Variants in PREP observed in about 807,000 individuals in gnomAD.
The protein encoded by PREP is prolyl endopeptidase.
In PREP, 29 loss-of-function variants were observed where a neutral mutation model predicts 87.6. The observed-to-expected ratio is 0.33, with a 90% CI of 0.25 to 0.45. The LOEUF (loss-of-function observed/expected upper bound fraction) is 0.45, where lower values mean the gene tolerates loss of function less well. Among genes scored for constraint, PREP ranks in the 20% least tolerant of loss-of-function variants. The probability of loss-of-function intolerance (pLI) is 1.00; values close to 1 mark genes in which losing one functional copy is unlikely to be tolerated. For synonymous variants in PREP, 337 were observed against 328.6 expected, an observed-to-expected ratio of 1.03 and a Z score of -0.28; for missense variants, 695 against 886.5, an observed-to-expected ratio of 0.78 and a Z score of 2.74.
rs1212511247 is a variant in PREP at position 105,332,954 on chromosome 6, C to T, written c.1015+360G>A. Among the ~76,000 whole-genome samples the T allele has an allele frequency of 2.0e-5, 3 of 152,140 alleles. No individual in the cohort carries two copies. In the East Asian group the frequency reaches 5.8e-4, roughly 29 times the overall value. On this transcript the variant is annotated intron_variant, in intron 8 of 14. Transcript: ENST00000652536. The stretch of plus-strand genomic sequence containing the variant: ...CAAATAGCCAAAGGTTACTCAAAAG[C>T]TTAAAGCTAAGGATTCTAAATCTAA...
chr6:105,350,373 T>C (rs945688622), intron 7 of PREP, among the ~76,000 whole-genome samples: 1 of 152,178 alleles, frequency 6.6e-6, no homozygotes, highest in Non-Finnish European at 1.5e-5. Context: ...AAAAAAAACT[T>C]TAACAGGGTA....
At chr6:105,286,536 G>A (rs1770191141) in intron 11 of PREP, among the ~76,000 whole-genome samples, 1 of 152,160 alleles carries the variant, frequency 6.6e-6, no homozygotes, top group South Asian at 2.1e-4. Context: ...GACCCTAAAA[G>A]TACTGAGTGA....
rs1390196816 is a variant in PREP, at chr6:105,328,830, T to A, written c.1212A>T (p.Pro404=). The A allele has an allele frequency of 6.2e-7, 1 of 1,613,784 alleles. No homozygotes were observed. Among genetic ancestry groups the A allele is most frequent in the Non-Finnish European group, 8.5e-7 (1 of 1,179,874 alleles). ...CAGCAACAGTGAAAAAACACTTACC[T>A]GGAGATAAAAAGGAAGTAAACTGAT... ...IFYQFTSFLS[P]GIIYHCDLTK... The change falls in exon 9 of 15, where the codon CCA becomes CCT. Residue 404 remains proline (P), a splice_region_variant and synonymous_variant. Coordinates refer to ENST00000652536, the MANE Select transcript of PREP (RefSeq NM_002726.5).
chr6:105,377,977 G>A (rs906011751), intron 2 of PREP, among the ~76,000 whole-genome samples: 1 of 152,176 alleles, frequency 6.6e-6, no homozygotes, highest in Non-Finnish European at 1.5e-5. Context: ...CCAATAATCT[G>A]CATTTACGCA....
At position 105,288,739 on chromosome 6, in the gene PREP, G is replaced by A. The variant is rs757884616; in HGVS notation, c.1454+19C>T. 1.2e-6 allele frequency: 2 copies of A among 1,613,012 alleles called. No homozygotes were observed. Reference sequence around the variant, plus strand: ...GGAAAAGATAAAATACTGGCACTCTGAGTGCGTTCCGAGCTCACCTGTAGT... The same window carrying A: ...GGAAAAGATAAAATACTGGCACTCTAAGTGCGTTCCGAGCTCACCTGTAGT... On this transcript the variant is annotated intron_variant, in intron 11 of 14. Transcript: ENST00000652536.
chr6:105,338,488 C>T (rs1340090869), intron 7 of PREP, among the ~76,000 whole-genome samples: 6 of 152,308 alleles, frequency 3.9e-5, no homozygotes, highest in South Asian at 4.1e-4. Flanking sequence ...ACACAGAAGA[C>T]GGGTGATTTC....
chr6:105,369,562 A>T (rs190625660), intron 5 of PREP, among the ~76,000 whole-genome samples: 2 of 152,342 alleles, frequency 1.3e-5, no homozygotes, highest in East Asian at 3.9e-4. Context: ...ATTTATTATA[A>T]AGCTACAGTG....
At chr6:105,371,500 C>CAAAAAAAAAAAAAAAAAAAAAAAAAAAAA (rs528772896) in intron 5 of PREP, among the ~76,000 whole-genome samples, 1 of 44,798 alleles carries the variant, frequency 2.2e-5, no homozygotes. Context: ...GATTCCATCT[C>CAAAAAAAAAAAAAAAAAAAAAAAAAAAAA]AAAAAAAAAA....
intron 9 of PREP, among the ~76,000 whole-genome samples, chr6:105,326,512 A>G (rs533748471): frequency 9.9e-4 from 151 of 152,316 alleles, no homozygotes; most frequent in African/African-American, 3.4e-3. Flanking sequence ...GAGTTATCAA[A>G]TGTCTGCAGC....
At chr6:105,348,831 A>G (rs771709433) in intron 7 of PREP, among the ~76,000 whole-genome samples, 13 of 151,642 alleles carry the variant, frequency 8.6e-5, no homozygotes, top group Non-Finnish European at 1.6e-4. Flanking sequence ...GTGAACTGAG[A>G]TCACGCCACT....
chr6:105,293,620 T>C (rs1209552802), intron 10 of PREP, among the ~76,000 whole-genome samples: 1 of 140,040 alleles, frequency 7.1e-6, no homozygotes, highest in East Asian at 2.0e-4. Context: ...AAAAAAAAAA[T>C]GCAATTATTT....
At chr6:105,348,081 G>C (rs1346648346) in intron 7 of PREP, among the ~76,000 whole-genome samples, 4 of 152,040 alleles carry the variant, frequency 2.6e-5, no homozygotes, top group African/African-American at 9.7e-5. Context: ...TTCTACTCCA[G>C]AACTAAAAAA....
At chr6:105,368,057 C>T (rs1772440138) in intron 6 of PREP, among the ~76,000 whole-genome samples, 1 of 152,148 alleles carries the variant, frequency 6.6e-6, no homozygotes, top group African/African-American at 2.4e-5. Flanking sequence ...GTTTTGTCCC[C>T]CAACGAAGCA....
At position 105,288,880 on chromosome 6, in the gene PREP, G is replaced by A; in HGVS notation, c.1332C>T (p.Ser444=). 6.2e-7 allele frequency: 1 copy of A among 1,612,598 alleles called. No homozygotes were observed. The highest frequency in any genetic ancestry group is 8.5e-7 in the Non-Finnish European group (1 of 1,178,700). Residue 444 remains serine (S), a synonymous_variant, in exon 11 of 15, where the codon AGC becomes AGT. Coordinates refer to ENST00000652536, the MANE Select transcript of PREP (RefSeq NM_002726.5). ...ACATTGGAATCTTCGTACCATCCTT[G>A]CTAGGGTAGAAAATCTAGAATATAA... ...DYQTVQIFYP[S]KDGTKIPMFI...
At chr6:105,319,516 C>T (rs1770950391) in intron 10 of PREP, among the ~76,000 whole-genome samples, 1 of 152,212 alleles carries the variant, frequency 6.6e-6, no homozygotes, top group African/African-American at 2.4e-5. Context: ...CATTAAATTC[C>T]TTTGTGACAC....
At chr6:105,395,398 A>G (rs1157460208) in intron 2 of PREP, among the ~76,000 whole-genome samples, 1 of 152,216 alleles carries the variant, frequency 6.6e-6, no homozygotes, top group Non-Finnish European at 1.5e-5. Flanking sequence ...CTAGCTGAGT[A>G]GCCATGGACA....
intron 7 of PREP, among the ~76,000 whole-genome samples, chr6:105,352,189 G>C (rs1771974625): frequency 6.6e-6 from 1 of 152,174 alleles, no homozygotes; most frequent in South Asian, 2.1e-4. Context: ...AATTAGCTTA[G>C]TGTCTGTCCT....
chr6:105,359,071 AAC>A (rs1417776773), intron 6 of PREP, among the ~76,000 whole-genome samples: 1 of 152,186 alleles, frequency 6.6e-6, no homozygotes, highest in East Asian at 1.9e-4. Context: ...GACACAATTT[AAC>A]ACGTGCCATC....
intron 1 of PREP, among the ~76,000 whole-genome samples, chr6:105,400,782 A>G (rs1344674120): frequency 1.3e-5 from 2 of 152,218 alleles, no homozygotes; most frequent in African/African-American, 4.8e-5. Context: ...AATGGTCTCA[A>G]CGCTCCAAAG....
Sources: allele counts gnomAD v4.1 joint callset (sites outside exome capture counted in the v4.1 genomes callset), GRCh38; gene constraint gnomAD v4.1.1; transcripts MANE v1.5; gene names NCBI Gene and HGNC (gene_info 2026-07-23, HGNC 2026-07-21).